The following HECTD4 variants were observed in gnomAD, a reference collection of about 807,000 sequenced individuals.
HECTD4 encodes the protein HECT domain E3 ubiquitin protein ligase 4.
In HECTD4, 114 loss-of-function variants were observed where a neutral mutation model predicts 471.5. The observed-to-expected ratio is 0.24, with a 90% confidence interval of 0.21 to 0.28. The LOEUF (loss-of-function observed/expected upper bound fraction) is 0.28, where lower values mean the gene tolerates loss of function less well. HECTD4 is among the 10% of genes least tolerant of loss of function. The pLI is 1.00. For missense variants in HECTD4, 3,866 were observed against 5,651.5 expected (o/e 0.68, Z 10.13); for synonymous variants, 2,012 against 2,256.0 (o/e 0.89, Z 3.07).
chr12:112,162,198 C>T lies in HECTD4; in HGVS notation c.*189G>A. ...ACAAACAGGCAGCAAAAGAACCAAC[C>T]CATCACGAAACGTACAAAGACAAAA... On this transcript the variant is annotated 3_prime_UTR_variant, in exon 76 of 76. Transcript: ENST00000682272. This position sits in a 1 kb window ranked among gnomAD's most constrained non-coding sequence, Gnocchi z 5.2. 1 of 596,130 alleles carries T rather than the reference C, an allele frequency of 1.7e-6. No individual in the cohort carries two copies. Among genetic ancestry groups the T allele is most frequent in the Non-Finnish European group, 2.9e-6 (1 of 340,968 alleles). The allele number at this position is 596,130 out of a possible 1,614,324, so 36.9% of individuals were successfully genotyped here. A position where few individuals can be genotyped will look rare whatever the true frequency, so the allele number is the denominator to read the frequency against.
At chr12:112,368,113 G>A (rs989644372) in intron 1 of HECTD4, among the ~76,000 whole-genome samples, 3 of 152,162 alleles carry the variant, frequency 2.0e-5, no homozygotes, top group Admixed American at 2.0e-4. Context: ...TGCAAATTAT[G>A]CATCTTATTG....
At chr12:112,177,301 G>A (rs191781913) in intron 64 of HECTD4, among the ~76,000 whole-genome samples, 156 of 151,890 alleles carry the variant, frequency 1.0e-3, no homozygotes, top group African/African-American at 3.5e-3. Flanking sequence ...CTGTGTACTC[G>A]AGAGTCACAG....
intron 55 of HECTD4, among the ~76,000 whole-genome samples, chr12:112,195,408 A>G (rs1346280025): frequency 6.6e-6 from 1 of 152,224 alleles, no homozygotes; most frequent in Non-Finnish European, 1.5e-5. Context: ...AGTCTATACA[A>G]TGGGGTATTT....
At chr12:112,273,552 G>T in intron 11 of HECTD4, 103 bp downstream of exon 11, 3 of 1,041,182 alleles carry the variant, frequency 2.9e-6, no homozygotes, top group South Asian at 1.6e-5. Flanking sequence ...GAAAACTGGT[G>T]ACACATTCTG....
intron 55 of HECTD4, among the ~76,000 whole-genome samples, chr12:112,199,389 A>G (rs1403866468): frequency 6.6e-6 from 1 of 152,244 alleles, no homozygotes; most frequent in Non-Finnish European, 1.5e-5. Flanking sequence ...GAGATGGTCT[A>G]TCTCAAGAGG....
chr12:112,200,784 C>T lies in HECTD4; in HGVS notation c.8421G>A (p.Val2807=). Residue 2807 remains valine (V), a synonymous_variant, in exon 55 of 76, where the codon GTG becomes GTA. Transcript: ENST00000682272. ...CACTGCGGAGGTACGTTTCTACCTG[C>T]ACCAGTTCATTCACCTACAATAGGA... ...VLDVDSVNEL[V]QVETYLRSEG... 1 of 1,612,218 alleles carries T rather than the reference C, an allele frequency of 6.2e-7. No individual in the cohort carries two copies. Among genetic ancestry groups the T allele is most frequent in the South Asian group, 1.1e-5 (1 of 90,988 alleles).
chr12:112,263,724 T>TACACACAC (rs367597011), intron 17 of HECTD4, among the ~76,000 whole-genome samples: 1 of 125,050 alleles, frequency 8.0e-6, no homozygotes, highest in Non-Finnish European at 1.9e-5. Context: ...TATATATATA[T>TACACACAC]ACACACACAC....
At chr12:112,330,558 G>A (rs774914207) in intron 1 of HECTD4, among the ~76,000 whole-genome samples, 4 of 152,134 alleles carry the variant, frequency 2.6e-5, no homozygotes, top group Non-Finnish European at 2.9e-5. Context: ...GCTCTGATAC[G>A]TGTAACAGTT....
In HECTD4 at chr12:112,162,967, G is replaced by A. The variant is rs775578254; in HGVS notation, c.13120+75C>T. The A allele has an allele frequency of 1.7e-6, 2 of 1,192,690 alleles. No homozygotes were observed. The highest frequency in any genetic ancestry group is 2.4e-6 in the Non-Finnish European group (2 of 831,200). 73.9% of individuals were successfully genotyped at this position (1,192,690 alleles called of 1,614,324 possible). Reference sequence around the variant, plus strand: ...GTTCATTGTTCTCCCTTCACATGGGGCCTGGCAGCCCCAGTTCCAAACAGA... The same window carrying A: ...GTTCATTGTTCTCCCTTCACATGGGACCTGGCAGCCCCAGTTCCAAACAGA... On this transcript the variant is annotated intron_variant, in intron 75 of 75. Transcript: ENST00000682272. The surrounding 1 kb of genome is among the most constrained non-coding windows in gnomAD (Gnocchi z 5.2).
rs2030710381 is a variant in HECTD4, at chr12:112,162,079, T to C, written c.*308A>G. The C allele has an allele frequency of 3.5e-6, 1 of 287,918 alleles. No individual in the cohort carries two copies. Among genetic ancestry groups the C allele is most frequent in the Non-Finnish European group, 6.6e-6 (1 of 151,470 alleles). 17.8% of individuals were successfully genotyped at this position (287,918 alleles called of 1,614,324 possible). ...TGATGGGGAACCAGCTGGGGCCTTA[T>C]GGCATTAGAATCTGGTGGCCATGAG... On this transcript the variant is annotated 3_prime_UTR_variant, in exon 76 of 76. Coordinates refer to ENST00000682272, the MANE Select transcript of HECTD4 (RefSeq NM_001388303.1). The surrounding 1 kb of genome is among the most constrained non-coding windows in gnomAD (Gnocchi z 5.2).
chr12:112,161,435 C>T lies in HECTD4; in HGVS notation c.*952G>A, dbSNP rs1417160913. ...ATTGAGCAGAGCACCTCAGTCCACT[C>T]TTTTGAAAATGGGTGTGGCCCTTTC... is the stretch of plus-strand genomic sequence containing the variant. On this transcript the variant is annotated 3_prime_UTR_variant, in exon 76 of 76. Coordinates refer to ENST00000682272, the MANE Select transcript of HECTD4 (RefSeq NM_001388303.1). 1 of 152,222 alleles carries T rather than the reference C, an allele frequency of 6.6e-6. No individual in the cohort carries two copies. The highest frequency in any genetic ancestry group is 2.4e-5 in the African/African-American group (1 of 41,466). The allele number at this position is 152,222 out of a possible 1,614,324, so 9.4% of individuals were successfully genotyped here. A position where few individuals can be genotyped will look rare whatever the true frequency, so the allele number is the denominator to read the frequency against.
Position 112,250,357 on chromosome 12 carries a change from G to A in HECTD4, c.3737C>T (p.Ala1246Val), listed in dbSNP as rs746929086. ...AAGGGCAGGGGAGATCACGCCATTG[G>A]CCTCCACCTGCCACTGGCACCTGAG... ...LLQRCQWQVEANGVISPALTP... is the reference protein window; with the variant it reads ...LLQRCQWQVEVNGVISPALTP... Residue 1246 changes from alanine to valine, a missense_variant, in exon 25 of 76, where the codon GCC becomes GTC. This residue lies in a region of HECTD4 where 281 missense variants were observed against 499.9 expected (regional missense o/e 0.56). Transcript: ENST00000682272. 6.2e-7 allele frequency: 1 copy of A among 1,610,234 alleles called. No individual in the cohort carries two copies. Among genetic ancestry groups the A allele is most frequent in the South Asian group, 1.1e-5 (1 of 90,928 alleles).
intron 7 of HECTD4, among the ~76,000 whole-genome samples, chr12:112,285,876 TA>T (rs2034742986): frequency 6.6e-6 from 1 of 152,030 alleles, no homozygotes; most frequent in Non-Finnish European, 1.5e-5. Context: ...ACTCTCCTAC[TA>T]GATTAACTTT....
rs1212702687 is a variant in HECTD4 at position 112,212,036 on chromosome 12, C to G, written c.7629+451G>C. On this transcript the variant is annotated intron_variant, in intron 49 of 75. Coordinates refer to ENST00000682272, the MANE Select transcript of HECTD4 (RefSeq NM_001388303.1). ...GAACATTGGATATTAATAGATGCCC[C>G]TTAAGAAACAAGAGTTCCATCATTA... Among the ~76,000 whole-genome samples the G allele has an allele frequency of 2.6e-5, 4 of 152,270 alleles. No homozygotes were observed. The East Asian group carries it at 5.8e-4, about 22-fold the overall frequency.
At chr12:112,338,426 G>C (rs543723476) in intron 1 of HECTD4, among the ~76,000 whole-genome samples, 1 of 152,146 alleles carries the variant, frequency 6.6e-6, no homozygotes, top group Non-Finnish European at 1.5e-5. Flanking sequence ...TTTGAGACCA[G>C]CCTGGCCAAC....
intron 10 of HECTD4, among the ~76,000 whole-genome samples, chr12:112,274,300 T>C (rs555402481): frequency 2.0e-5 from 3 of 152,248 alleles, no homozygotes; most frequent in Admixed American, 6.5e-5. Context: ...GAATTTCTTA[T>C]AGGCATCATC....
chr12:112,258,406 T>C (rs2034071826), intron 20 of HECTD4, 90 bp downstream of exon 20: 1 of 902,202 alleles, frequency 1.1e-6, no homozygotes. Flanking sequence ...TAGATAATCC[T>C]TGCTAAAAAT....
chr12:112,361,372 C>T (rs901977928), intron 1 of HECTD4, among the ~76,000 whole-genome samples: 13 of 152,162 alleles, frequency 8.5e-5, no homozygotes, highest in Admixed American at 3.3e-4. Context: ...TAGGCTCAAG[C>T]GATCCTCCCA....
chr12:112,273,833 C>A, intron 10 of HECTD4, 38 bp from the exon 11 acceptor site: 1 of 1,606,280 alleles, frequency 6.2e-7, no homozygotes, highest in Non-Finnish European at 8.5e-7. Flanking sequence ...CACCATGCCA[C>A]CAGCTACCTG....
Sources: allele counts gnomAD v4.1 joint callset (sites outside exome capture counted in the v4.1 genomes callset), GRCh38; gene constraint gnomAD v4.1.1; regional missense constraint gnomAD v4.1.1; non-coding constraint Gnocchi (gnomAD v3.1); transcripts MANE v1.5; gene names NCBI Gene and HGNC (gene_info 2026-07-23, HGNC 2026-07-21).